CPXM2: variants seen among roughly 807,000 people sequenced by gnomAD.
CPXM2 encodes the protein carboxypeptidase X, M14 family member 2.
In CPXM2, 66 loss-of-function variants were observed where a neutral mutation model predicts 86.1. That is an observed-to-expected ratio of 0.77 (90% CI 0.63 to 0.94). The LOEUF is 0.94. Ranked by LOEUF, CPXM2 falls within the 40% of genes least tolerant of loss-of-function variation. CPXM2 has a pLI of 0.00. For missense variants in CPXM2, 948 were observed against 1,026.3 expected, an observed-to-expected ratio of 0.92 and a Z score of 1.04; for synonymous variants, 388 against 400.2, an observed-to-expected ratio of 0.97 and a Z score of 0.36.
In CPXM2 at chr10:123,754,869, A is replaced by G; in HGVS notation, c.1918-107T>C. ...CACCATTGGCCGGTTCCCACCAAGA[A>G]CTCACACAGCACCACGTCTTGCTCA... On this transcript the variant is annotated intron_variant, in intron 12 of 13. Coordinates refer to ENST00000241305, the MANE Select transcript of CPXM2 (RefSeq NM_198148.3). The surrounding 1 kb of genome is among the most constrained non-coding windows in gnomAD (Gnocchi z 4.0). 1 of 714,508 alleles carries G rather than the reference A, an allele frequency of 1.4e-6. No individual in the cohort carries two copies. The highest frequency in any genetic ancestry group is 2.6e-6 in the Non-Finnish European group (1 of 389,212). 44.3% of individuals were successfully genotyped at this position (714,508 alleles called of 1,614,324 possible).
chr10:123,901,618 A>T (rs1287027054), intron 2 of CPXM2, among the ~76,000 whole-genome samples: 1 of 152,190 alleles, frequency 6.6e-6, no homozygotes, highest in Non-Finnish European at 1.5e-5. Context: ...AACCTGAAAG[A>T]GCCAATCTTT....
intron 3 of CPXM2, among the ~76,000 whole-genome samples, chr10:123,861,430 G>A (rs577085531): frequency 2.6e-4 from 40 of 152,266 alleles, no homozygotes; most frequent in Non-Finnish European, 4.7e-4. Flanking sequence ...GGGATGGGGC[G>A]GCAGAATAAC....
Position 123,798,015 on chromosome 10 carries a change from T to C in CPXM2, c.850A>G (p.Ile284Val), listed in dbSNP as rs140492343. ...NPQSWFDNGS[I>V]CMRMEILGCP... ...CCCAGGATCTCCATTCTCATGCAGATGCTCCCATTATCAAACCAGGACTGA... is the reference window on the plus strand; with the variant it reads ...CCCAGGATCTCCATTCTCATGCAGACGCTCCCATTATCAAACCAGGACTGA... The change falls in exon 6 of 14, where the codon ATC becomes GTC. Residue 284 changes from isoleucine (I) to valine (V), a missense_variant. Physicochemically the swap from Ile to Val is conservative, Grantham distance 29 (BLOSUM62 3). Coordinates refer to ENST00000241305, the MANE Select transcript of CPXM2 (RefSeq NM_198148.3). 2 of 1,610,638 alleles carry C rather than the reference T, an allele frequency of 1.2e-6. No homozygotes were observed. The highest frequency in any genetic ancestry group is 8.5e-7 in the Non-Finnish European group (1 of 1,178,268).
intron 7 of CPXM2, among the ~76,000 whole-genome samples, chr10:123,776,243 G>T (rs1372933849): frequency 6.6e-6 from 1 of 152,138 alleles, no homozygotes; most frequent in African/African-American, 2.4e-5. Context: ...AGTCTGAAAA[G>T]TCTCCCTAGG....
At chr10:123,898,479 A>G (rs943715965) in intron 2 of CPXM2, among the ~76,000 whole-genome samples, 4 of 152,110 alleles carry the variant, frequency 2.6e-5, no homozygotes, top group Admixed American at 6.5e-5. Context: ...AAATATATAT[A>G]TCTTTTTAAT....
chr10:123,932,807 A>G (rs1026835538), intron 2 of CPXM2, among the ~76,000 whole-genome samples: 19 of 152,218 alleles, frequency 1.2e-4, no homozygotes, highest in African/African-American at 4.6e-4. Flanking sequence ...ATAGCAAAAT[A>G]CAGCAAGGGC....
chr10:123,787,860 G>A (rs1049702062), intron 6 of CPXM2, among the ~76,000 whole-genome samples: 4 of 152,154 alleles, frequency 2.6e-5, no homozygotes, highest in African/African-American at 7.2e-5. Flanking sequence ...CGGGGATGGC[G>A]GAGGGGCTGG....
chr10:123,799,179 T>C lies in CPXM2; in HGVS notation c.674A>G (p.Tyr225Cys). The change falls in exon 5 of 14, where the codon TAT (tyrosine) becomes TGT (cysteine). Residue 225 changes from tyrosine to cysteine, a missense_variant. Tyr to Cys is a radical substitution (Grantham distance 194, BLOSUM62 -2). Coordinates refer to ENST00000241305, the MANE Select transcript of CPXM2 (RefSeq NM_198148.3). ...GCTGTCATTGCTCACCATGACCTTA[T>C]AGGATGTCACCCAGTCACTCCTATG... Reference protein sequence around the residue: ...SLWLSDWVTSYKVMVSNDSHT... With the variant: ...SLWLSDWVTSCKVMVSNDSHT... 1.9e-6 allele frequency: 3 copies of C among 1,614,170 alleles called. No homozygotes were observed. The highest frequency in any genetic ancestry group is 1.1e-5 in the South Asian group (1 of 91,086).
intron 2 of CPXM2, among the ~76,000 whole-genome samples, chr10:123,912,147 C>A (rs908376048): frequency 6.6e-6 from 1 of 151,994 alleles, no homozygotes; most frequent in African/African-American, 2.4e-5. Flanking sequence ...TAGGAAGCTG[C>A]GGATCGGTTT....
At chr10:123,884,763 T>C (rs1372874856) in intron 1 of CPXM2, among the ~76,000 whole-genome samples, 2 of 152,200 alleles carry the variant, frequency 1.3e-5, no homozygotes, top group African/African-American at 4.8e-5. Flanking sequence ...TCTCTCTCCA[T>C]TGTGTCTTCT....
rs1846165532 is a variant in CPXM2 at position 123,754,778 on chromosome 10, G to C, written c.1918-16C>G. The C allele has an allele frequency of 1.0e-5, 15 of 1,479,610 alleles. No individual in the cohort carries two copies. The highest frequency in any genetic ancestry group is 1.3e-5 in the Non-Finnish European group (14 of 1,057,224). 91.7% of individuals were successfully genotyped at this position (1,479,610 alleles called of 1,614,324 possible). A position where few individuals can be genotyped will look rare whatever the true frequency, so the allele number is the denominator to read the frequency against. ...CACGATGAACCTGCTCAGCAAACAT[G>C]AGACACAGGGTGAGGTCACCGACCA... On this transcript the variant is annotated splice_polypyrimidine_tract_variant and intron_variant, in intron 12 of 13. Coordinates refer to ENST00000241305, the MANE Select transcript of CPXM2 (RefSeq NM_198148.3). The surrounding 1 kb of genome is among the most constrained non-coding windows in gnomAD (Gnocchi z 4.0).
intron 2 of CPXM2, among the ~76,000 whole-genome samples, chr10:123,902,924 C>A (rs147358776): frequency 6.6e-6 from 1 of 152,342 alleles, no homozygotes; most frequent in East Asian, 1.9e-4. Context: ...GCCACCTCCC[C>A]ACCGTGCCCT....
chr10:123,880,229 G>T lies in CPXM2; in HGVS notation c.385C>A (p.Arg129Ser). Residue 129 changes from arginine to serine, a missense_variant, in exon 2 of 14, where the codon CGT (arginine) becomes AGT (serine). Physicochemically the swap from Arg to Ser is moderately radical, Grantham distance 110. Transcript: ENST00000241305. ...ANDDHSVRVAREDVRESCPPL... is the reference protein window; with the variant it reads ...ANDDHSVRVASEDVRESCPPL... ...CACTTACTCTCTCTGACATCTTCACGGGCCACACGGACACTGTGATCATCG... is the reference window on the plus strand; with the variant it reads ...CACTTACTCTCTCTGACATCTTCACTGGCCACACGGACACTGTGATCATCG... The T allele has an allele frequency of 6.8e-7, 1 of 1,464,456 alleles. No homozygotes were observed. The highest frequency in any genetic ancestry group is 9.2e-7 in the Non-Finnish European group (1 of 1,081,560). The allele number at this position is 1,464,456 out of a possible 1,614,324, so 90.7% of individuals were successfully genotyped here. A position where few individuals can be genotyped will look rare whatever the true frequency, so the allele number is the denominator to read the frequency against.
At chr10:123,923,658 G>A (rs1049698156) in intron 2 of CPXM2, among the ~76,000 whole-genome samples, 1 of 152,140 alleles carries the variant, frequency 6.6e-6, no homozygotes, top group Non-Finnish European at 1.5e-5. Flanking sequence ...AGGTTTGGCT[G>A]TATCCCCACC....
intron 2 of CPXM2, among the ~76,000 whole-genome samples, 156 bp downstream of exon 2, chr10:123,880,055 C>A (rs917845241): frequency 6.6e-6 from 1 of 152,186 alleles, no homozygotes; most frequent in Non-Finnish European, 1.5e-5. Context: ...TGAATGTTCT[C>A]GCCCCCGCAC....
chr10:123,851,273 C>G (rs1183329474), intron 3 of CPXM2, among the ~76,000 whole-genome samples: 3 of 152,184 alleles, frequency 2.0e-5, no homozygotes, highest in African/African-American at 4.8e-5. Flanking sequence ...CTCTGCCTAC[C>G]CTTTGTCCAA....
intron 6 of CPXM2, among the ~76,000 whole-genome samples, chr10:123,782,120 G>T (rs1846948924): frequency 6.6e-6 from 1 of 152,246 alleles, no homozygotes; most frequent in South Asian, 2.1e-4. Flanking sequence ...TTCCGGCTTA[G>T]CCAGATGCCT....
intron 1 of CPXM2, among the ~76,000 whole-genome samples, chr10:123,888,157 A>G (rs1265191549): frequency 6.6e-6 from 1 of 152,210 alleles, no homozygotes; most frequent in East Asian, 1.9e-4. Flanking sequence ...ACCCCGCTAC[A>G]GGGTTAAAAC....
At chr10:123,813,441 G>C (rs1056385209) in intron 4 of CPXM2, among the ~76,000 whole-genome samples, 19 of 152,092 alleles carry the variant, frequency 1.2e-4, no homozygotes, top group African/African-American at 4.3e-4. Context: ...TTTTCCCTAG[G>C]TCCTAGGTAT....
Sources: gnomAD v4.1 joint callset for allele counts (sites outside exome capture counted in the v4.1 genomes callset) on GRCh38, gnomAD v4.1.1 for gene constraint, Gnocchi (gnomAD v3.1) non-coding constraint, MANE v1.5 for transcripts, NCBI Gene and HGNC (gene_info 2026-07-23, HGNC 2026-07-21) for gene names.